Variants in POU6F2 observed in about 807,000 individuals in gnomAD.
POU6F2 encodes POU class 6 homeobox 2, also known as POU domain, class 6, transcription factor 2.
A neutral mutation model predicts 71.3 loss-of-function variants in POU6F2; 31 were observed. The observed-to-expected ratio is 0.43, with a 90% CI of 0.33 to 0.59. The LOEUF (loss-of-function observed/expected upper bound fraction) is 0.59, where lower values mean the gene tolerates loss of function less well. Ranked by LOEUF, POU6F2 falls within the 20% of genes least tolerant of loss-of-function variation. The pLI, the probability that POU6F2 is intolerant of heterozygous loss-of-function variation, is 0.04. For synonymous variants in POU6F2, 347 were observed against 355.7 expected (o/e 0.98, Z 0.27); for missense variants, 783 against 856.8 (o/e 0.91, Z 1.07).
intron 1 of POU6F2, among the ~76,000 whole-genome samples, chr7:39,047,318 A>G (rs1177049057): frequency 6.6e-6 from 1 of 151,882 alleles, no homozygotes; most frequent in African/African-American, 2.4e-5. Flanking sequence ...TGCCATTTTA[A>G]CACTATTAGG....
chr7:39,041,441 C>A (rs912345267), intron 1 of POU6F2, among the ~76,000 whole-genome samples: 7 of 151,838 alleles, frequency 4.6e-5, no homozygotes, highest in African/African-American at 1.7e-4. Context: ...AATCATTGTT[C>A]CAGTTTATAC....
At chr7:39,056,760 T>A (rs1182508763) in intron 1 of POU6F2, among the ~76,000 whole-genome samples, 3 of 151,618 alleles carry the variant, frequency 2.0e-5, no homozygotes, top group East Asian at 3.9e-4. Flanking sequence ...GGACATTTTT[T>A]AATAATAGAA....
At chr7:39,002,100 A>T (rs1788932668) in intron 1 of POU6F2, 1 of 152,218 alleles carries the variant, frequency 6.6e-6, no homozygotes, top group Admixed American at 6.5e-5. Context: ...GATGATATTA[A>T]ATAAGTTGTT....
chr7:39,457,812 C>T (rs1355408929), intron 8 of POU6F2, among the ~76,000 whole-genome samples: 1 of 152,110 alleles, frequency 6.6e-6, no homozygotes, highest in Non-Finnish European at 1.5e-5. Flanking sequence ...CAGTTTCAAA[C>T]CTCCATGCTC....
rs1302999674 is a variant in POU6F2, at chr7:39,419,134, CAT to C, written c.1113+12402_1113+12403del. On this transcript the variant is annotated intron_variant, in intron 6 of 9. Coordinates refer to ENST00000518318, the MANE Select transcript of POU6F2 (RefSeq NM_001370959.1). ...ATACGTATATATGTGTATATATACACATATATATACGTATATATGTGTATATA... is the reference window on the plus strand; with the variant it reads ...ATACGTATATATGTGTATATATACACATATATACGTATATATGTGTATATA... Among the ~76,000 whole-genome samples, 224 of 111,622 alleles carry C rather than the reference CAT, an allele frequency of 2.0e-3. 1 individual carries two copies. Among genetic ancestry groups the C allele is most frequent in the African/African-American group, 5.9e-3 (180 of 30,510 alleles). 73.2% of individuals were successfully genotyped at this position (111,622 alleles called of 152,430 possible).
chr7:39,281,919 A>G (rs1417171453), intron 4 of POU6F2, among the ~76,000 whole-genome samples: 2 of 152,216 alleles, frequency 1.3e-5, no homozygotes, highest in African/African-American at 4.8e-5. Context: ...CATTTACACC[A>G]ACAGTGTATA....
intron 4 of POU6F2, among the ~76,000 whole-genome samples, chr7:39,271,281 T>C (rs2128756844): frequency 6.6e-6 from 1 of 152,270 alleles, no homozygotes; most frequent in South Asian, 2.1e-4. Context: ...CATTTACATA[T>C]TGTGTTTGGC....
chr7:39,288,213 CTATT>C (rs1341491321), intron 4 of POU6F2, among the ~76,000 whole-genome samples: 3 of 152,172 alleles, frequency 2.0e-5, no homozygotes, highest in Non-Finnish European at 4.4e-5. Context: ...ATTCAGGGGA[CTATT>C]TATCCTCAGA....
chr7:39,025,038 T>C (rs1419855905), intron 1 of POU6F2, among the ~76,000 whole-genome samples: 1 of 152,092 alleles, frequency 6.6e-6, no homozygotes, highest in East Asian at 1.9e-4. Context: ...TTAGGGAGGA[T>C]TCCCTCTTTT....
At chr7:39,454,217 T>A (rs1788730539) in intron 8 of POU6F2, among the ~76,000 whole-genome samples, 1 of 152,104 alleles carries the variant, frequency 6.6e-6, no homozygotes, top group South Asian at 2.1e-4. Context: ...GGAGTTTCTG[T>A]CCCTGTAGAG....
intron 4 of POU6F2, among the ~76,000 whole-genome samples, chr7:39,289,315 G>A (rs1051663511): frequency 6.6e-6 from 1 of 152,186 alleles, no homozygotes; most frequent in African/African-American, 2.4e-5. Flanking sequence ...TATGAACTCC[G>A]TTCTAGCTAT....
chr7:39,023,702 T>C (rs984305597), intron 1 of POU6F2, among the ~76,000 whole-genome samples: 4 of 152,102 alleles, frequency 2.6e-5, no homozygotes, highest in Non-Finnish European at 5.9e-5. Context: ...ATTTGTAAAA[T>C]CTAATGTCCT....
Position 39,323,979 on chromosome 7 carries a change from G to A in POU6F2, c.599-15663G>A, listed in dbSNP as rs141646236. On this transcript the variant is annotated intron_variant, in intron 4 of 9. Transcript: ENST00000518318. ...AAAAATTAGCCAGGCCTGGTCGTGG[G>A]TGCCTGTAATCCCAGCTACTTGGGA... Among the ~76,000 whole-genome samples, 253 of 151,814 alleles carry A rather than the reference G, an allele frequency of 1.7e-3. 2 individuals are homozygous for A. The highest frequency in any genetic ancestry group is 5.8e-3 in the African/African-American group (242 of 41,396).
chr7:39,217,706 A>G (rs1794271284), intron 4 of POU6F2, among the ~76,000 whole-genome samples: 1 of 152,208 alleles, frequency 6.6e-6, no homozygotes, highest in African/African-American at 2.4e-5. Flanking sequence ...CAAATCCACC[A>G]TAAAGAAGTT....
At chr7:39,364,086 A>T (rs1317150978) in intron 5 of POU6F2, among the ~76,000 whole-genome samples, 1 of 152,182 alleles carries the variant, frequency 6.6e-6, no homozygotes, top group Admixed American at 6.5e-5. Context: ...GAAACAAATC[A>T]GGGATGTTCT....
intron 1 of POU6F2, among the ~76,000 whole-genome samples, chr7:39,002,645 C>A (rs997210112): frequency 1.3e-5 from 2 of 152,202 alleles, no homozygotes; most frequent in Non-Finnish European, 2.9e-5. Flanking sequence ...CCACACCCGG[C>A]CAGTGATTTA....
intron 6 of POU6F2, among the ~76,000 whole-genome samples, chr7:39,431,075 C>T (rs1042621593): frequency 3.9e-5 from 6 of 152,154 alleles, no homozygotes; most frequent in African/African-American, 1.2e-4. Context: ...TTGATGTGGA[C>T]GCCTCCTGAC....
intron 2 of POU6F2, among the ~76,000 whole-genome samples, chr7:39,185,417 C>G (rs1272449873): frequency 6.6e-6 from 1 of 152,184 alleles, no homozygotes; most frequent in Non-Finnish European, 1.5e-5. Context: ...TCTGTTTTAA[C>G]TGTTTTTACA....
intron 1 of POU6F2, among the ~76,000 whole-genome samples, chr7:39,020,096 G>GC (rs1789649159): frequency 6.6e-6 from 1 of 152,130 alleles, no homozygotes; most frequent in Non-Finnish European, 1.5e-5. Flanking sequence ...CAGGTTGGGT[G>GC]CACCCTCCCA....
Sources: allele counts gnomAD v4.1 joint callset (sites outside exome capture counted in the v4.1 genomes callset), GRCh38; gene constraint gnomAD v4.1.1; transcripts MANE v1.5; gene names NCBI Gene and HGNC (gene_info 2026-07-23, HGNC 2026-07-21).